Variants in NOS1AP observed in about 807,000 individuals in gnomAD.
NOS1AP encodes the protein carboxyl-terminal PDZ ligand of neuronal nitric oxide synthase protein.
NOS1AP carries 21 observed loss-of-function variants against 56.2 expected under a neutral mutation model. That is an observed-to-expected ratio of 0.37 (90% CI 0.26 to 0.54). NOS1AP has a LOEUF of 0.54. NOS1AP is among the 20% of genes least tolerant of loss of function. NOS1AP has a pLI of 0.84. For synonymous variants in NOS1AP, 270 were observed against 274.6 expected, an observed-to-expected ratio of 0.98 and a Z score of 0.17; for missense variants, 522 against 657.8, an observed-to-expected ratio of 0.79 and a Z score of 2.26.
At chr1:162,210,365 C>T (rs751130292) in intron 2 of NOS1AP, among the ~76,000 whole-genome samples, 3 of 152,168 alleles carry the variant, frequency 2.0e-5, no homozygotes, top group Non-Finnish European at 2.9e-5. Flanking sequence ...CTGACTCACT[C>T]GACAGCAAGC....
At chr1:162,287,792 T>A (rs1655136559) in intron 3 of NOS1AP, among the ~76,000 whole-genome samples, 1 of 152,214 alleles carries the variant, frequency 6.6e-6, no homozygotes, top group South Asian at 2.1e-4. Context: ...TCAGTGGGAT[T>A]GGGCAGCGAG....
intron 2 of NOS1AP, among the ~76,000 whole-genome samples, chr1:162,264,534 G>A (rs1477810351): frequency 7.0e-6 from 1 of 142,652 alleles, no homozygotes; most frequent in Non-Finnish European, 1.5e-5. Flanking sequence ...TTGAGACAGA[G>A]TCTCACTGGT....
intron 5 of NOS1AP, among the ~76,000 whole-genome samples, chr1:162,336,226 C>G (rs533008518): frequency 6.6e-6 from 1 of 152,278 alleles, no homozygotes; most frequent in South Asian, 2.1e-4. Flanking sequence ...TTTATTCCCA[C>G]AGCAGCCCTG....
chr1:162,347,141 A>T (rs560746934), intron 6 of NOS1AP, among the ~76,000 whole-genome samples: 2 of 152,352 alleles, frequency 1.3e-5, no homozygotes, highest in South Asian at 4.1e-4. Flanking sequence ...ACAGAAACCA[A>T]TCTGCTCATT....
chr1:162,226,829 G>T (rs1253685623), intron 2 of NOS1AP, among the ~76,000 whole-genome samples: 1 of 152,038 alleles, frequency 6.6e-6, no homozygotes, highest in Non-Finnish European at 1.5e-5. Context: ...TTGCCTTCAG[G>T]GAGCTCTGAA....
At chr1:162,163,709 T>G (rs976348743) in intron 2 of NOS1AP, among the ~76,000 whole-genome samples, 2 of 152,046 alleles carry the variant, frequency 1.3e-5, no homozygotes, top group Non-Finnish European at 2.9e-5. Context: ...CTTCGCAGGT[T>G]CAAGAAATGG....
At chr1:162,128,042 C>T (rs2102059944) in intron 1 of NOS1AP, among the ~76,000 whole-genome samples, 1 of 152,018 alleles carries the variant, frequency 6.6e-6, no homozygotes, top group South Asian at 2.1e-4. Context: ...TTATTAATCT[C>T]TTATGTTAAT....
intron 2 of NOS1AP, among the ~76,000 whole-genome samples, chr1:162,263,318 C>T (rs1384648211): frequency 1.3e-5 from 2 of 152,302 alleles, no homozygotes; most frequent in East Asian, 3.9e-4. Flanking sequence ...GCCCTTTATG[C>T]TGTGTCCATA....
At chr1:162,111,974 C>G (rs1260783511) in intron 1 of NOS1AP, among the ~76,000 whole-genome samples, 3 of 152,196 alleles carry the variant, frequency 2.0e-5, no homozygotes, top group African/African-American at 7.2e-5. Context: ...ATGAAATATT[C>G]AAACCCAAAT....
chr1:162,125,884 T>C (rs572036090), intron 1 of NOS1AP, among the ~76,000 whole-genome samples: 17 of 152,336 alleles, frequency 1.1e-4, no homozygotes, highest in African/African-American at 3.4e-4. Context: ...TTTCATGATA[T>C]TGATTTTTTC....
At chr1:162,118,092 T>C (rs541103745) in intron 1 of NOS1AP, among the ~76,000 whole-genome samples, 1 of 152,364 alleles carries the variant, frequency 6.6e-6, no homozygotes, top group East Asian at 1.9e-4. Context: ...AACAATTGCT[T>C]TTTAAAAACT....
At chr1:162,219,785 G>A (rs1460448677) in intron 2 of NOS1AP, among the ~76,000 whole-genome samples, 1 of 152,210 alleles carries the variant, frequency 6.6e-6, no homozygotes, top group East Asian at 1.9e-4. Flanking sequence ...TAGTCTGACA[G>A]CACTGCTGCT....
Position 162,188,932 on chromosome 1 carries a change from C to T in NOS1AP, c.177+34456C>T, listed in dbSNP as rs1422204427. Among the ~76,000 whole-genome samples the T allele has an allele frequency of 6.6e-6, 1 of 152,104 alleles. No homozygotes were observed. The highest frequency in any genetic ancestry group is 1.5e-5 in the Non-Finnish European group (1 of 68,024). On this transcript the variant is annotated intron_variant, in intron 2 of 9. Transcript: ENST00000361897. The surrounding 1 kb of genome is among the most constrained non-coding windows in gnomAD (Gnocchi z 4.0). Reference sequence around the variant, plus strand: ...ACAAAAATTAGCTGGGCACAGTGGCCTGTAGTCCCAGCTACACAGGAGGCT... The same window carrying T: ...ACAAAAATTAGCTGGGCACAGTGGCTTGTAGTCCCAGCTACACAGGAGGCT...
chr1:162,171,653 C>G (rs1479088132), intron 2 of NOS1AP, among the ~76,000 whole-genome samples: 1 of 152,192 alleles, frequency 6.6e-6, no homozygotes, highest in Non-Finnish European at 1.5e-5. Context: ...TAAGTGAGCT[C>G]TTAGGCCCTC....
intron 3 of NOS1AP, among the ~76,000 whole-genome samples, chr1:162,298,791 C>T (rs1049047790): frequency 2.0e-5 from 3 of 152,176 alleles, no homozygotes; most frequent in Admixed American, 6.5e-5. Flanking sequence ...AATGCTTCCA[C>T]GAGCAGCTAC....
chr1:162,336,478 T>G (rs1358054837), intron 5 of NOS1AP, among the ~76,000 whole-genome samples: 3 of 152,258 alleles, frequency 2.0e-5, no homozygotes, highest in Non-Finnish European at 2.9e-5. Flanking sequence ...CTGTAATTAT[T>G]ACATGGGTAT....
chr1:162,173,757 T>G (rs1470590590), intron 2 of NOS1AP, among the ~76,000 whole-genome samples: 2 of 152,164 alleles, frequency 1.3e-5, no homozygotes, highest in Non-Finnish European at 2.9e-5. Flanking sequence ...GGGCGAAGGA[T>G]ATGAACAGGC....
intron 4 of NOS1AP, among the ~76,000 whole-genome samples, chr1:162,302,261 C>G (rs1051448252): frequency 6.6e-6 from 1 of 152,162 alleles, no homozygotes; most frequent in African/African-American, 2.4e-5. Flanking sequence ...AGCGCTAAAC[C>G]TGCATCTGGC....
At position 162,151,866 on chromosome 1, in the gene NOS1AP, G is replaced by A. The variant is rs150317958; in HGVS notation, c.106-2539G>A. ...AGTGTGTGGCATGTGGGGTGTGCAT[G>A]TACATGTACATGCGCACCATGACTG... On this transcript the variant is annotated intron_variant, in intron 1 of 9. Coordinates refer to ENST00000361897, the MANE Select transcript of NOS1AP (RefSeq NM_014697.3). Among the ~76,000 whole-genome samples, 394 of 152,168 alleles carry A rather than the reference G, an allele frequency of 2.6e-3. 1 individual carries two copies. Among genetic ancestry groups the A allele is most frequent in the African/African-American group, 9.0e-3 (375 of 41,506 alleles).
Sources: allele counts gnomAD v4.1 joint callset (sites outside exome capture counted in the v4.1 genomes callset), GRCh38; gene constraint gnomAD v4.1.1; non-coding constraint Gnocchi (gnomAD v3.1); transcripts MANE v1.5; gene names NCBI Gene and HGNC (gene_info 2026-07-23, HGNC 2026-07-21).